KIRREL3: variants seen among roughly 807,000 people sequenced by gnomAD.
The protein encoded by KIRREL3 is kirre like nephrin family adhesion molecule 3, also known as kin of IRRE-like protein 3.
In KIRREL3, 36 loss-of-function variants were observed where a neutral mutation model predicts 89.7. That is an observed-to-expected ratio of 0.40 (90% CI 0.31 to 0.53). The LOEUF is 0.53. Ranked by LOEUF, KIRREL3 falls within the 20% of genes least tolerant of loss-of-function variation. The pLI is 0.49. For synonymous variants in KIRREL3, 445 were observed against 441.4 expected (o/e 1.01, Z -0.10); for missense variants, 864 against 1,056.6 (o/e 0.82, Z 2.53).
Position 126,642,749 on chromosome 11 carries a change from T to C in KIRREL3, c.56-79837A>G, listed in dbSNP as rs1332643610. Among the ~76,000 whole-genome samples the C allele has an allele frequency of 6.6e-6, 1 of 152,200 alleles. No homozygotes were observed. The highest frequency in any genetic ancestry group is 1.5e-5 in the Non-Finnish European group (1 of 68,038). ...CCAGAGTCACATAAGAACAGCCTTC[T>C]GGAGGCAGGGGGATGGATGAAAGAA... On this transcript the variant is annotated intron_variant, in intron 1 of 16. Coordinates refer to ENST00000525144, the MANE Select transcript of KIRREL3 (RefSeq NM_032531.4). This position sits in a 1 kb window ranked among gnomAD's most constrained non-coding sequence, Gnocchi z 4.9.
intron 1 of KIRREL3, among the ~76,000 whole-genome samples, chr11:126,679,128 G>A (rs984883181): frequency 6.6e-6 from 1 of 152,188 alleles, no homozygotes; most frequent in African/African-American, 2.4e-5. Flanking sequence ...GAATGTGGAT[G>A]TGATGACTGA....
In KIRREL3 at chr11:126,844,130, C is replaced by T. The variant is rs1459727290; in HGVS notation, c.55+156325G>A. On this transcript the variant is annotated intron_variant, in intron 1 of 16. Transcript: ENST00000525144. The surrounding 1 kb of genome is among the most constrained non-coding windows in gnomAD (Gnocchi z 4.8). ...GATGGGGACCCCTTTCCAGTAACATCTTCCTGGTAACCCAGGTGGGACAAT... is the reference window on the plus strand; with the variant it reads ...GATGGGGACCCCTTTCCAGTAACATTTTCCTGGTAACCCAGGTGGGACAAT... Among the ~76,000 whole-genome samples the T allele has an allele frequency of 6.6e-6, 1 of 152,192 alleles. No homozygotes were observed. Among genetic ancestry groups the T allele is most frequent in the Non-Finnish European group, 1.5e-5 (1 of 68,034 alleles).
At chr11:126,547,535 C>T (rs141335754) in intron 2 of KIRREL3, among the ~76,000 whole-genome samples, 22 of 152,238 alleles carry the variant, frequency 1.4e-4, no homozygotes, top group Admixed American at 3.3e-4. Context: ...GGGGTAAGGA[C>T]GGGGTAGGGG....
chr11:126,450,561 ATGTGCG>A (rs1349733238), intron 7 of KIRREL3, among the ~76,000 whole-genome samples: 3 of 129,712 alleles, frequency 2.3e-5, no homozygotes, highest in African/African-American at 8.9e-5. Flanking sequence ...GCATGTGTGC[ATGTGCG>A]TGTGCATGTG....
In KIRREL3 at chr11:126,601,890, G is replaced by GTT. The variant is rs1942673992; in HGVS notation, c.56-38979_56-38978insAA. On this transcript the variant is annotated intron_variant, in intron 1 of 16. Transcript: ENST00000525144. The surrounding 1 kb of genome is among the most constrained non-coding windows in gnomAD (Gnocchi z 5.8). Reference sequence around the variant, plus strand: ...GCCTGAGAACCGTGCATACGGGACAGCATGAGTTTTAGGAGACAAGGGGTC... The same window carrying GTT: ...GCCTGAGAACCGTGCATACGGGACAGTTCATGAGTTTTAGGAGACAAGGGGTC... Among the ~76,000 whole-genome samples, 1 of 152,202 alleles carries GTT rather than the reference G, an allele frequency of 6.6e-6. No homozygotes were observed. The highest frequency in any genetic ancestry group is 2.1e-4 in the South Asian group (1 of 4,834).
At position 126,666,053 on chromosome 11, in the gene KIRREL3, TG is replaced by T. The variant is rs1420053591; in HGVS notation, c.56-103142del. Among the ~76,000 whole-genome samples, 1 of 152,220 alleles carries T rather than the reference TG, an allele frequency of 6.6e-6. No individual in the cohort carries two copies. Among genetic ancestry groups the T allele is most frequent in the African/African-American group, 2.4e-5 (1 of 41,466 alleles). On this transcript the variant is annotated intron_variant, in intron 1 of 16. Transcript: ENST00000525144. The surrounding 1 kb of genome is among the most constrained non-coding windows in gnomAD (Gnocchi z 4.2). ...AACTATGATCTGGACCTTTTTATTT[TG>T]AAGGCGCTCCTCGGAGATTCTGATT...
chr11:126,658,172 T>C (rs1945241485), intron 1 of KIRREL3, among the ~76,000 whole-genome samples: 1 of 152,236 alleles, frequency 6.6e-6, no homozygotes, highest in South Asian at 2.1e-4. Flanking sequence ...AACAAGTAGT[T>C]ATTGTCATAC....
At chr11:126,785,617 C>T (rs1055912924) in intron 1 of KIRREL3, among the ~76,000 whole-genome samples, 11 of 152,068 alleles carry the variant, frequency 7.2e-5, no homozygotes, top group African/African-American at 2.7e-4. Context: ...GTGGCTCATG[C>T]CTGTAATCCC....
intron 4 of KIRREL3, among the ~76,000 whole-genome samples, chr11:126,493,654 CAAAAAAAAAAA>C (rs5795499): frequency 3.6e-5 from 3 of 82,236 alleles, no homozygotes; most frequent in Admixed American, 3.0e-4. Flanking sequence ...GACTCTGTCT[CAAAAAAAAAAA>C]AAAAAAAAAA....
intron 6 of KIRREL3, among the ~76,000 whole-genome samples, chr11:126,461,895 C>A (rs568023855): frequency 3.3e-5 from 5 of 152,224 alleles, no homozygotes; most frequent in Non-Finnish European, 5.9e-5. Context: ...TGCCAGCCTG[C>A]AGCTCCAGCC....
At chr11:126,979,757 C>A (rs1949674531) in intron 1 of KIRREL3, among the ~76,000 whole-genome samples, 2 of 152,176 alleles carry the variant, frequency 1.3e-5, no homozygotes, top group Non-Finnish European at 2.9e-5. Context: ...AGGACCTGGC[C>A]TTTGTAGCAG....
chr11:126,742,114 G>T lies in KIRREL3; in HGVS notation c.56-179202C>A, dbSNP rs1346600325. On this transcript the variant is annotated intron_variant, in intron 1 of 16. Transcript: ENST00000525144. The surrounding 1 kb of genome is among the most constrained non-coding windows in gnomAD (Gnocchi z 5.3). The stretch of plus-strand genomic sequence containing the variant: ...TTGAACTTCCCATTTCCCAGTTTCA[G>T]CTTCCAGAATGCAACCTTAATCTTG... Among the ~76,000 whole-genome samples the T allele has an allele frequency of 6.6e-6, 1 of 152,194 alleles. No homozygotes were observed. The highest frequency in any genetic ancestry group is 1.5e-5 in the Non-Finnish European group (1 of 68,032).
rs1257986697 is a variant in KIRREL3 at position 126,569,248 on chromosome 11, C to T, written c.56-6336G>A. ...GGTACATTTCTGGACTTACTGTGTT[C>T]GAGGTGACAAGGTTCTAAAGTGAAG... is the stretch of plus-strand genomic sequence containing the variant. On this transcript the variant is annotated intron_variant, in intron 1 of 16. Transcript: ENST00000525144. The surrounding 1 kb of genome is among the most constrained non-coding windows in gnomAD (Gnocchi z 6.5). 2.6e-5 allele frequency among the ~76,000 whole-genome samples: 4 copies of T among 152,088 alleles called. No homozygotes were observed. The highest frequency in any genetic ancestry group is 2.1e-4 in the South Asian group (1 of 4,828).
At chr11:126,831,508 C>T (rs1943607825) in intron 1 of KIRREL3, among the ~76,000 whole-genome samples, 1 of 151,784 alleles carries the variant, frequency 6.6e-6, no homozygotes, top group African/African-American at 2.4e-5. Context: ...AAACCTTGCC[C>T]TGACTGAAAG....
chr11:126,572,684 C>T (rs1470291957), intron 1 of KIRREL3, among the ~76,000 whole-genome samples: 3 of 152,154 alleles, frequency 2.0e-5, no homozygotes, highest in African/African-American at 7.2e-5. Flanking sequence ...GCCCCTTTCT[C>T]AGGGACTGGA....
At chr11:126,650,897 A>G (rs757970586) in intron 1 of KIRREL3, among the ~76,000 whole-genome samples, 1 of 152,250 alleles carries the variant, frequency 6.6e-6, no homozygotes, top group Non-Finnish European at 1.5e-5. Context: ...ACAGTTCCAC[A>G]TGGCTGGGAA....
intron 1 of KIRREL3, among the ~76,000 whole-genome samples, chr11:126,910,870 A>G (rs1338942174): frequency 6.6e-6 from 1 of 152,202 alleles, no homozygotes; most frequent in Non-Finnish European, 1.5e-5. Flanking sequence ...CTCTCAGATG[A>G]TGTCAGCAGC....
In KIRREL3 at chr11:126,429,325, A is replaced by G. The variant is rs773955915; in HGVS notation, c.1697-37T>C. The G allele has an allele frequency of 1.4e-4, 202 of 1,456,312 alleles. No homozygotes were observed. Among genetic ancestry groups the G allele is most frequent in the Non-Finnish European group, 1.7e-4 (180 of 1,038,244 alleles). 90.2% of individuals were successfully genotyped at this position (1,456,312 alleles called of 1,614,324 possible). On this transcript the variant is annotated intron_variant, in intron 14 of 16. Transcript: ENST00000525144. The surrounding 1 kb of genome is among the most constrained non-coding windows in gnomAD (Gnocchi z 5.2). ...ATAGTAAAGTGTAGATGATAGATTT[A>G]GTTCTTACCTTTGAGATGTCAAGCT... is the stretch of plus-strand genomic sequence containing the variant.
intron 1 of KIRREL3, among the ~76,000 whole-genome samples, chr11:126,893,585 A>G (rs1946012862): frequency 6.6e-6 from 1 of 152,168 alleles, no homozygotes. Flanking sequence ...TAGACTGTGG[A>G]ATCAGCGCTG....
Sources: allele counts gnomAD v4.1 joint callset (sites outside exome capture counted in the v4.1 genomes callset), GRCh38; gene constraint gnomAD v4.1.1; non-coding constraint Gnocchi (gnomAD v3.1); transcripts MANE v1.5; gene names NCBI Gene and HGNC (gene_info 2026-07-23, HGNC 2026-07-21).